Variants in FAM204A observed in about 807,000 individuals in gnomAD.
FAM204A encodes protein FAM204A.
A neutral mutation model predicts 35.4 loss-of-function variants in FAM204A; 16 were observed. The observed-to-expected ratio is 0.45, with a 90% CI of 0.31 to 0.69. FAM204A has a LOEUF of 0.69. Among genes scored for constraint, FAM204A ranks in the 30% least tolerant of loss-of-function variants. FAM204A has a pLI of 0.07. For synonymous variants in FAM204A, 76 were observed against 86.9 expected (o/e 0.88, Z 0.70); for missense variants, 240 against 265.7 (o/e 0.90, Z 0.67).
At position 118,299,273 on chromosome 10, in the gene FAM204A, T is replaced by C. The variant is rs1845781746; in HGVS notation, c.*11584A>G. ...TCATACCACTCTCCATTTCCTGCTTTGAGCTGCCCTTCCTGTCAATCAATT... is the reference window on the plus strand; with the variant it reads ...TCATACCACTCTCCATTTCCTGCTTCGAGCTGCCCTTCCTGTCAATCAATT... On this transcript the variant is annotated 3_prime_UTR_variant, in exon 9 of 9. Coordinates refer to ENST00000369183, the MANE Select transcript of FAM204A (RefSeq NM_022063.3). 3 of 152,048 alleles carry C rather than the reference T, an allele frequency of 2.0e-5. No homozygotes were observed. The highest frequency in any genetic ancestry group is 4.4e-5 in the Non-Finnish European group (3 of 68,050). The allele number at this position is 152,048 out of a possible 1,614,324, so 9.4% of individuals were successfully genotyped here.
chr10:118,336,960 A>T (rs960569865), intron 2 of FAM204A, among the ~76,000 whole-genome samples: 1 of 152,208 alleles, frequency 6.6e-6, no homozygotes, highest in African/African-American at 2.4e-5. Context: ...GGAGGAAGGT[A>T]TCGTAGTAAA....
chr10:118,334,380 T>C (rs988684029), intron 6 of FAM204A, among the ~76,000 whole-genome samples: 3 of 152,178 alleles, frequency 2.0e-5, no homozygotes, highest in Non-Finnish European at 2.9e-5. Context: ...GCAAGTATCA[T>C]CAATTTTACT....
chr10:118,326,190 C>G lies in FAM204A; in HGVS notation c.507G>C (p.Lys169Asn). Residue 169 changes from lysine (K) to asparagine (N), a missense_variant, in exon 7 of 9, where the codon AAG becomes AAC. Around this residue, in one of 2 missense-constraint regions of FAM204A, gnomAD observed 232 missense variants for 242.8 expected, o/e 0.96. Coordinates refer to ENST00000369183, the MANE Select transcript of FAM204A (RefSeq NM_022063.3). ...DQAVEEWNIE[K>N]AEELSNQLAT... ...CTAGCTGGTTGCTGAGTTCCTCAGC[C>G]TTCTCAATATTCCACTCCTCCACAG... The G allele has an allele frequency of 6.2e-7, 1 of 1,613,924 alleles. No homozygotes were observed. The highest frequency in any genetic ancestry group is 8.5e-7 in the Non-Finnish European group (1 of 1,179,896).
rs1845873121 is a variant in FAM204A at position 118,306,956 on chromosome 10, C to A, written c.*3901G>T. ...ATAAAGATTAAAGAATGCAGTTCTGCACATTTTATCAAAATCTACAGAGCT... is the reference window on the plus strand; with the variant it reads ...ATAAAGATTAAAGAATGCAGTTCTGAACATTTTATCAAAATCTACAGAGCT... On this transcript the variant is annotated 3_prime_UTR_variant, in exon 9 of 9. Transcript: ENST00000369183. The A allele has an allele frequency of 6.6e-6, 1 of 152,178 alleles. No individual in the cohort carries two copies. The highest frequency in any genetic ancestry group is 6.5e-5 in the Admixed American group (1 of 15,282). The allele number at this position is 152,178 out of a possible 1,614,324, so 9.4% of individuals were successfully genotyped here.
intron 7 of FAM204A, among the ~76,000 whole-genome samples, chr10:118,321,555 A>G (rs923154665): frequency 1.3e-5 from 2 of 152,028 alleles, no homozygotes; most frequent in South Asian, 2.1e-4. Context: ...ATGAATATAA[A>G]AAGTACAATG....
At chr10:118,328,388 A>G (rs765008745) in intron 6 of FAM204A, among the ~76,000 whole-genome samples, 1 of 152,184 alleles carries the variant, frequency 6.6e-6, no homozygotes, top group Non-Finnish European at 1.5e-5. Context: ...TAGCAGTATC[A>G]ACATTACCTG....
At chr10:118,341,702 T>G (rs1032474942) in intron 2 of FAM204A, 25 bp downstream of exon 2, 3 of 152,142 alleles carry the variant, frequency 2.0e-5, no homozygotes, top group Non-Finnish European at 4.4e-5. Flanking sequence ...TCATTTTAAG[T>G]CGATTCCGCT....
chr10:118,327,309 A>C (rs893944276), intron 6 of FAM204A, among the ~76,000 whole-genome samples: 1 of 152,202 alleles, frequency 6.6e-6, no homozygotes, highest in East Asian at 1.9e-4. Flanking sequence ...GATGTAAAAA[A>C]TAACAACATA....
At chr10:118,318,838 TC>T (rs1846069248) in intron 7 of FAM204A, among the ~76,000 whole-genome samples, 1 of 151,920 alleles carries the variant, frequency 6.6e-6, no homozygotes, top group Admixed American at 6.6e-5. Context: ...TGAGAACATC[TC>T]TAGTTCAAAA....
chr10:118,335,511 CTTAGCA>C, intron 4 of FAM204A, 37 bp downstream of exon 4: 2 of 1,600,726 alleles, frequency 1.2e-6, no homozygotes, highest in Non-Finnish European at 1.7e-6. Flanking sequence ...TCAGTCACAA[CTTAGCA>C]TTAGCACGAC....
chr10:118,312,632 C>G (rs1190920508), intron 7 of FAM204A, among the ~76,000 whole-genome samples: 1 of 152,158 alleles, frequency 6.6e-6, no homozygotes, highest in Non-Finnish European at 1.5e-5. Flanking sequence ...TGGAAGGAAG[C>G]TGACAATTGA....
intron 6 of FAM204A, among the ~76,000 whole-genome samples, chr10:118,331,255 T>C (rs1293798641): frequency 6.6e-6 from 1 of 152,202 alleles, no homozygotes; most frequent in East Asian, 1.9e-4. Flanking sequence ...TTATCTAGAA[T>C]GTCTTCCATA....
chr10:118,317,037 T>C (rs1401479633), intron 7 of FAM204A, among the ~76,000 whole-genome samples: 1 of 152,146 alleles, frequency 6.6e-6, no homozygotes, highest in Non-Finnish European at 1.5e-5. Context: ...AGAACTGTAG[T>C]ACTGTTTTCA....
At chr10:118,317,996 G>C (rs1433753585) in intron 7 of FAM204A, among the ~76,000 whole-genome samples, 1 of 151,970 alleles carries the variant, frequency 6.6e-6, no homozygotes, top group Non-Finnish European at 1.5e-5. Context: ...TGGTGAATTA[G>C]CTCCTGATCA....
intron 6 of FAM204A, among the ~76,000 whole-genome samples, chr10:118,327,848 A>G (rs886794890): frequency 6.6e-6 from 1 of 152,184 alleles, no homozygotes; most frequent in Admixed American, 6.5e-5. Context: ...TTAGTCCCAG[A>G]GCTACTAGGG....
chr10:118,311,983 G>A (rs1045239316), intron 7 of FAM204A, among the ~76,000 whole-genome samples: 2 of 151,944 alleles, frequency 1.3e-5, no homozygotes, highest in African/African-American at 2.4e-5. Flanking sequence ...TCCATTCACC[G>A]TGAAATCCCC....
intron 7 of FAM204A, among the ~76,000 whole-genome samples, chr10:118,317,410 T>A (rs1846048713): frequency 6.6e-6 from 1 of 152,054 alleles, no homozygotes; most frequent in South Asian, 2.1e-4. Context: ...ACATCTGAAA[T>A]CTTTTTTTAA....
At chr10:118,328,896 C>T (rs1478358477) in intron 6 of FAM204A, among the ~76,000 whole-genome samples, 1 of 152,146 alleles carries the variant, frequency 6.6e-6, no homozygotes, top group East Asian at 1.9e-4. Context: ...TTTTACCCTC[C>T]CCAGTAATCT....
rs778020574 is a variant in FAM204A at position 118,335,414 on chromosome 10, T to C, written c.335A>G (p.Asn112Ser). 85 of 1,594,286 alleles carry C rather than the reference T, an allele frequency of 5.3e-5. No homozygotes were observed. The highest frequency in any genetic ancestry group is 7.2e-5 in the Non-Finnish European group (84 of 1,170,464). ...RKRSRKDKLKNEKELHSEPSS... is the reference protein window; with the variant it reads ...RKRSRKDKLKSEKELHSEPSS... ...TACCTACCTATGTAATTCTTTTTCA[T>C]TCTTCAATTTATCTGAAAAGAATTC... Residue 112 changes from asparagine (N) to serine (S), a missense_variant, in exon 5 of 9, where the codon AAT becomes AGT. This residue lies in a region of FAM204A where 232 missense variants were observed against 242.8 expected (regional missense o/e 0.96). Transcript: ENST00000369183.
Sources: gnomAD v4.1 joint callset for allele counts (sites outside exome capture counted in the v4.1 genomes callset) on GRCh38, gnomAD v4.1.1 for gene constraint, gnomAD v4.1.1 regional missense constraint, MANE v1.5 for transcripts, NCBI Gene and HGNC (gene_info 2026-07-23, HGNC 2026-07-21) for gene names.